Variants in SMYD3 observed in about 807,000 individuals in gnomAD.
SMYD3 encodes SET and MYND domain containing 3, also known as histone-lysine N-methyltransferase SMYD3.
SMYD3 carries 36 observed loss-of-function variants against 57.7 expected under a neutral mutation model. The ratio of observed to expected loss-of-function variants is 0.62; its 90% CI spans 0.48 to 0.82. The LOEUF (loss-of-function observed/expected upper bound fraction) is 0.82. SMYD3 is among the 40% of genes least tolerant of loss of function. SMYD3 has a pLI of 0.00. For missense variants in SMYD3, 515 were observed against 538.8 expected, an observed-to-expected ratio of 0.96 and a Z score of 0.44; for synonymous variants, 211 against 195.0, an observed-to-expected ratio of 1.08 and a Z score of -0.68.
At chr1:246,086,785 T>C (rs530636724) in intron 5 of SMYD3, among the ~76,000 whole-genome samples, 1 of 152,218 alleles carries the variant, frequency 6.6e-6, no homozygotes, top group South Asian at 2.1e-4. Flanking sequence ...GTTATGTAGG[T>C]AAATGTGTGC....
intron 5 of SMYD3, among the ~76,000 whole-genome samples, chr1:246,075,100 G>T (rs1318834042): frequency 1.3e-5 from 2 of 152,006 alleles, no homozygotes; most frequent in East Asian, 3.8e-4. Context: ...AACCCAAAAT[G>T]GCCCAACTGC....
chr1:245,797,828 C>CAAAAAAAAAAAAAAAAAAAAAAAA (rs559088835), intron 10 of SMYD3, among the ~76,000 whole-genome samples: 1 of 109,434 alleles, frequency 9.1e-6, no homozygotes, highest in Non-Finnish European at 1.7e-5. Context: ...TTCCGGGTTC[C>CAAAAAAAAAAAAAAAAAAAAAAAA]AAAAAAAAAA....
At chr1:246,482,932 A>ACATG (rs2068130039) in intron 1 of SMYD3, among the ~76,000 whole-genome samples, 1 of 151,778 alleles carries the variant, frequency 6.6e-6, no homozygotes, top group Admixed American at 6.6e-5. Flanking sequence ...GTCTACAGTT[A>ACATG]TATGCAGATC....
chr1:246,280,267 C>T (rs2064415609), intron 5 of SMYD3, among the ~76,000 whole-genome samples: 1 of 152,106 alleles, frequency 6.6e-6, no homozygotes, highest in Non-Finnish European at 1.5e-5. Context: ...AAAATAGGCA[C>T]AAAGTATTAT....
chr1:246,200,339 G>A (rs2062898066), intron 5 of SMYD3, among the ~76,000 whole-genome samples: 1 of 151,548 alleles, frequency 6.6e-6, no homozygotes, highest in Admixed American at 6.6e-5. Context: ...CGTAGACGCT[G>A]AGCAAGAATG....
At chr1:246,471,490 C>A (rs946325947) in intron 1 of SMYD3, among the ~76,000 whole-genome samples, 1 of 152,232 alleles carries the variant, frequency 6.6e-6, no homozygotes, top group African/African-American at 2.4e-5. Flanking sequence ...AGCCACCATG[C>A]CTGGCCCCAT....
chr1:246,300,534 G>A (rs2064876617), intron 5 of SMYD3, among the ~76,000 whole-genome samples: 10 of 152,116 alleles, frequency 6.6e-5, no homozygotes, highest in Admixed American at 6.6e-4. Flanking sequence ...TTGTGGTGGT[G>A]TGGGACGCCA....
intron 1 of SMYD3, among the ~76,000 whole-genome samples, chr1:246,423,361 G>A (rs1014576572): frequency 3.3e-5 from 5 of 151,866 alleles, no homozygotes; most frequent in African/African-American, 1.2e-4. Context: ...AGAACAGAAG[G>A]TATTATAAGT....
At chr1:246,070,862 T>C (rs566333045) in intron 5 of SMYD3, among the ~76,000 whole-genome samples, 8 of 152,366 alleles carry the variant, frequency 5.3e-5, no homozygotes, top group Non-Finnish European at 7.3e-5. Context: ...GTAATTGGTA[T>C]GTTTTAAACT....
In SMYD3 at chr1:245,854,368, G is replaced by C. The variant is rs188761684; in HGVS notation, c.1076+4128C>G. Among the ~76,000 whole-genome samples the C allele has an allele frequency of 2.0e-5, 3 of 152,274 alleles. No homozygotes were observed. In the East Asian group the frequency reaches 5.8e-4, roughly 29 times the overall value. ...AAGTTACCACTTAGGAATTTCTCATGTGGATTTACCCTATGGATTCAATTA... is the reference window on the plus strand; with the variant it reads ...AAGTTACCACTTAGGAATTTCTCATCTGGATTTACCCTATGGATTCAATTA... On this transcript the variant is annotated intron_variant, in intron 10 of 11. Transcript: ENST00000490107.
intron 5 of SMYD3, among the ~76,000 whole-genome samples, chr1:246,121,845 C>A (rs1249200239): frequency 1.3e-5 from 2 of 152,082 alleles, no homozygotes; most frequent in Admixed American, 6.5e-5. Context: ...GTGACAAGAG[C>A]ATCACAATAT....
chr1:246,039,632 G>A (rs2059834693), intron 5 of SMYD3, among the ~76,000 whole-genome samples: 2 of 152,188 alleles, frequency 1.3e-5, no homozygotes, highest in Admixed American at 1.3e-4. Flanking sequence ...CAATGGGTAA[G>A]ACTCACAGCA....
chr1:246,110,765 C>A (rs539575794), intron 5 of SMYD3, among the ~76,000 whole-genome samples: 1 of 152,206 alleles, frequency 6.6e-6, no homozygotes, highest in Non-Finnish European at 1.5e-5. Context: ...TGGAGTTGCG[C>A]GCCTGCGCTA....
intron 5 of SMYD3, among the ~76,000 whole-genome samples, chr1:246,193,304 A>G (rs79056037): frequency 0.026 from 3,899 of 151,586 alleles, 171 homozygotes; most frequent in African/African-American, 0.09. Flanking sequence ...AACATTTAAA[A>G]TACAACAAGA....
intron 10 of SMYD3, among the ~76,000 whole-genome samples, chr1:245,790,737 A>G (rs531691457): frequency 1.9e-3 from 294 of 152,330 alleles, no homozygotes; most frequent in Non-Finnish European, 3.4e-3. Context: ...GGACACTGCT[A>G]ATTTTGGGAA....
intron 5 of SMYD3, among the ~76,000 whole-genome samples, chr1:245,998,052 G>A (rs886803574): frequency 2.0e-5 from 3 of 152,194 alleles, no homozygotes; most frequent in African/African-American, 4.8e-5. Context: ...CAGGGAAAAC[G>A]CTGTGCTGGA....
chr1:246,336,718 C>T (rs1336024253), intron 2 of SMYD3, among the ~76,000 whole-genome samples: 2 of 152,118 alleles, frequency 1.3e-5, no homozygotes, highest in African/African-American at 4.8e-5. Flanking sequence ...TAGGTATTAT[C>T]CCTCTATTAC....
intron 5 of SMYD3, among the ~76,000 whole-genome samples, chr1:245,950,354 A>C (rs909280383): frequency 1.3e-5 from 2 of 152,078 alleles, no homozygotes; most frequent in African/African-American, 4.8e-5. Flanking sequence ...CCAGTGCAAG[A>C]CCTGGTTGCA....
At chr1:245,957,904 T>C (rs2057893592) in intron 5 of SMYD3, among the ~76,000 whole-genome samples, 2 of 152,172 alleles carry the variant, frequency 1.3e-5, no homozygotes, top group South Asian at 2.1e-4. Flanking sequence ...AAATGTAGAA[T>C]TGTGTGGTTA....
Sources: gnomAD v4.1 joint callset for allele counts (sites outside exome capture counted in the v4.1 genomes callset) on GRCh38, gnomAD v4.1.1 for gene constraint, MANE v1.5 for transcripts, NCBI Gene and HGNC (gene_info 2026-07-23, HGNC 2026-07-21) for gene names.